Variants in ATP9B observed in about 807,000 individuals in gnomAD.
ATP9B encodes ATPase phospholipid transporting 9B.
A neutral mutation model predicts 146.1 loss-of-function variants in ATP9B; 110 were observed. That is an observed-to-expected ratio of 0.75 (90% CI 0.65 to 0.88). The LOEUF (loss-of-function observed/expected upper bound fraction) is 0.88. Ranked by LOEUF, ATP9B falls within the 40% of genes least tolerant of loss-of-function variation. The pLI is 0.00. For synonymous variants in ATP9B, 604 were observed against 569.7 expected (o/e 1.06, Z -0.86); for missense variants, 1,499 against 1,496.4 (o/e 1.00, Z -0.03).
At chr18:79,206,867 G>T (rs1380509196) in intron 9 of ATP9B, 70 bp from the exon 10 acceptor site, 1 of 1,423,906 alleles carries the variant, frequency 7.0e-7, no homozygotes, top group Non-Finnish European at 9.8e-7. Flanking sequence ...TTCTAATACT[G>T]AGGTTATATA....
intron 8 of ATP9B, among the ~76,000 whole-genome samples, chr18:79,184,826 C>T (rs977329359): frequency 2.0e-5 from 3 of 152,162 alleles, no homozygotes; most frequent in Non-Finnish European, 4.4e-5. Context: ...CTGCATCCTC[C>T]TCCTGAAGAA....
chr18:79,310,127 G>A (rs2146636306), intron 15 of ATP9B, among the ~76,000 whole-genome samples: 1 of 152,258 alleles, frequency 6.6e-6, no homozygotes, highest in Middle Eastern at 3.4e-3. Flanking sequence ...AGAGGCATGA[G>A]AGAGCCTCTT....
chr18:79,374,942 C>A (rs906103116), intron 28 of ATP9B, among the ~76,000 whole-genome samples: 2 of 152,328 alleles, frequency 1.3e-5, no homozygotes, highest in Non-Finnish European at 2.9e-5. Flanking sequence ...GGACTCACCA[C>A]GACTTTGAGC....
At chr18:79,230,251 G>A (rs1395122223) in intron 11 of ATP9B, among the ~76,000 whole-genome samples, 2 of 152,104 alleles carry the variant, frequency 1.3e-5, no homozygotes, top group Admixed American at 6.5e-5. Flanking sequence ...AAGCACATCC[G>A]GATTGGTAAA....
intron 8 of ATP9B, among the ~76,000 whole-genome samples, chr18:79,188,103 A>G (rs1204407798): frequency 1.3e-5 from 2 of 152,170 alleles, no homozygotes; most frequent in Non-Finnish European, 2.9e-5. Context: ...GGAAAGAGAA[A>G]GCCCGGTGCA....
At chr18:79,101,094 C>T (rs1005474648) in intron 2 of ATP9B, among the ~76,000 whole-genome samples, 1 of 151,442 alleles carries the variant, frequency 6.6e-6, no homozygotes, top group African/African-American at 2.4e-5. Flanking sequence ...AGGACACTTA[C>T]CTTGGCACAG....
At chr18:79,095,013 A>G (rs1301537397) in intron 1 of ATP9B, among the ~76,000 whole-genome samples, 1 of 152,194 alleles carries the variant, frequency 6.6e-6, no homozygotes, top group Non-Finnish European at 1.5e-5. Context: ...GTGAGGACTG[A>G]ATGACTGGGT....
chr18:79,333,604 G>A (rs2096803408), intron 17 of ATP9B, among the ~76,000 whole-genome samples: 1 of 152,110 alleles, frequency 6.6e-6, no homozygotes. Flanking sequence ...CTCCTTGGAG[G>A]TTACCAAAAT....
intron 11 of ATP9B, among the ~76,000 whole-genome samples, chr18:79,238,521 G>T (rs959699433): frequency 3.9e-5 from 6 of 152,146 alleles, no homozygotes; most frequent in African/African-American, 1.2e-4. Flanking sequence ...TGCCCCCTCC[G>T]TGTACTCCCT....
intron 1 of ATP9B, among the ~76,000 whole-genome samples, chr18:79,090,818 G>GC (rs2074260300): frequency 6.6e-6 from 1 of 152,014 alleles, no homozygotes; most frequent in East Asian, 1.9e-4. Flanking sequence ...TGCTTTAGTT[G>GC]CCTGTGCTTG....
intron 13 of ATP9B, among the ~76,000 whole-genome samples, chr18:79,299,684 C>G (rs1282407524): frequency 6.6e-6 from 1 of 152,202 alleles, no homozygotes; most frequent in African/African-American, 2.4e-5. Context: ...GAGATGTATT[C>G]CGTATTTTAC....
chr18:79,116,940 T>TAAAAA (rs377608135), intron 4 of ATP9B, among the ~76,000 whole-genome samples: 2 of 106,812 alleles, frequency 1.9e-5, no homozygotes, highest in African/African-American at 3.6e-5. Flanking sequence ...AAAAAAAAAT[T>TAAAAA]AAAAAAAAAA....
Position 79,169,978 on chromosome 18 carries a change from A to G in ATP9B, c.779-6835A>G, listed in dbSNP as rs189792385. On this transcript the variant is annotated intron_variant, in intron 7 of 29. Coordinates refer to ENST00000426216, the MANE Select transcript of ATP9B (RefSeq NM_198531.5). ...CAAAATTACCTTACGACTCCCCAAT[A>G]CTTAAAGCCATACTGTCATTACTGT... 1.5e-3 allele frequency among the ~76,000 whole-genome samples: 221 copies of G among 152,294 alleles called. 3 individuals are homozygous for G. The highest frequency in any genetic ancestry group is 5.0e-3 in the African/African-American group (208 of 41,552).
chr18:79,144,942 G>A, intron 6 of ATP9B: 1 of 216,614 alleles, frequency 4.6e-6, no homozygotes, highest in East Asian at 1.4e-4. Flanking sequence ...GTACGAAGAA[G>A]CTATAAGAAA....
At position 79,201,811 on chromosome 18, in the gene ATP9B, G is replaced by A. The variant is rs536121087; in HGVS notation, c.955-5126G>A. Among the ~76,000 whole-genome samples, 11 of 152,146 alleles carry A rather than the reference G, an allele frequency of 7.2e-5. No homozygotes were observed. The South Asian group carries it at 1.5e-3, about 20-fold the overall frequency. ...CCTGACCTAGTGATCCACCCACCTC[G>A]GCCTCCCAAAGTGCTGGGATTACAG... On this transcript the variant is annotated intron_variant, in intron 9 of 29. Transcript: ENST00000426216.
chr18:79,175,331 A>C (rs547048237), intron 7 of ATP9B, among the ~76,000 whole-genome samples: 1 of 152,190 alleles, frequency 6.6e-6, no homozygotes, highest in Admixed American at 6.5e-5. Context: ...GTTTTTTAAA[A>C]GTTTGGTGTA....
At chr18:79,233,311 G>A (rs2095809702) in intron 11 of ATP9B, among the ~76,000 whole-genome samples, 1 of 152,074 alleles carries the variant, frequency 6.6e-6, no homozygotes. Flanking sequence ...ATACAACTAT[G>A]TATAATGGGG....
At chr18:79,245,274 A>G (rs531971740) in intron 11 of ATP9B, among the ~76,000 whole-genome samples, 38 of 152,384 alleles carry the variant, frequency 2.5e-4, no homozygotes, top group African/African-American at 8.4e-4. Context: ...ACTGTGTATT[A>G]GACTGAAAAC....
rs148387710 is a variant in ATP9B at position 79,126,319 on chromosome 18, G to A, written c.611G>A (p.Arg204His). Reference sequence around the variant, plus strand: ...CGGGAAGCAATTGATGAATTTCGGCGTTTTCAGCGTGACAAGGAAGTGAAT... The same window carrying A: ...CGGGAAGCAATTGATGAATTTCGGCATTTTCAGCGTGACAAGGAAGTGAAT... ...MTREAIDEFRRFQRDKEVNSQ... is the reference protein window; with the variant it reads ...MTREAIDEFRHFQRDKEVNSQ... Residue 204 changes from arginine to histidine, a missense_variant, in exon 5 of 30, where the codon CGT becomes CAT. By Grantham distance (29) the Arg-to-His change is conservative (BLOSUM62 0). Transcript: ENST00000426216. 3.4e-5 allele frequency: 55 copies of A among 1,611,706 alleles called. No individual in the cohort carries two copies. In the African/African-American group the frequency reaches 4.3e-4, roughly 13 times the overall value.
Sources: allele counts gnomAD v4.1 joint callset (sites outside exome capture counted in the v4.1 genomes callset), GRCh38; gene constraint gnomAD v4.1.1; transcripts MANE v1.5; gene names NCBI Gene and HGNC (gene_info 2026-07-23, HGNC 2026-07-21).